The following TMEM132D variants were observed in gnomAD, a reference collection of about 807,000 sequenced individuals.
TMEM132D encodes transmembrane protein 132D.
TMEM132D carries 21 observed loss-of-function variants against 62.3 expected under a neutral mutation model. The ratio of observed to expected loss-of-function variants is 0.34; its 90% confidence interval spans 0.24 to 0.49. The LOEUF is 0.49. TMEM132D is among the 20% of genes least tolerant of loss of function. TMEM132D has a pLI of 0.99. For missense variants in TMEM132D, 1,346 were observed against 1,402.8 expected, an observed-to-expected ratio of 0.96 and a Z score of 0.65; for synonymous variants, 621 against 575.6, an observed-to-expected ratio of 1.08 and a Z score of -1.13.
intron 1 of TMEM132D, among the ~76,000 whole-genome samples, chr12:129,760,426 G>A (rs1233551871): frequency 6.9e-5 from 10 of 145,598 alleles, no homozygotes; most frequent in Non-Finnish European, 1.4e-4. Context: ...CCGCCTCCCG[G>A]GTTCACGCCA....
At chr12:129,532,864 T>A (rs991059847) in intron 2 of TMEM132D, among the ~76,000 whole-genome samples, 1 of 152,194 alleles carries the variant, frequency 6.6e-6, no homozygotes, top group Non-Finnish European at 1.5e-5. Context: ...ATTAAGCACA[T>A]CCTGCGTGAC....
chr12:129,822,405 A>C (rs78966161), intron 1 of TMEM132D, among the ~76,000 whole-genome samples: 3,987 of 152,296 alleles, frequency 0.026, 88 homozygotes, highest in South Asian at 0.058. Flanking sequence ...GGTGGAAGTC[A>C]GGGCAAGCCA....
intron 1 of TMEM132D, among the ~76,000 whole-genome samples, chr12:129,897,974 C>T (rs557655058): frequency 1.5e-4 from 23 of 152,250 alleles, no homozygotes; most frequent in Non-Finnish European, 2.5e-4. Context: ...TCAGACTCTG[C>T]CTGTCTTTTA....
chr12:129,199,684 C>T (rs1034242514), intron 5 of TMEM132D, among the ~76,000 whole-genome samples: 1 of 152,166 alleles, frequency 6.6e-6, no homozygotes, highest in East Asian at 1.9e-4. Flanking sequence ...CTCACAATCA[C>T]AGCAGAAGGT....
intron 7 of TMEM132D, among the ~76,000 whole-genome samples, chr12:129,080,548 C>A (rs1205586875): frequency 6.6e-6 from 1 of 152,342 alleles, no homozygotes; most frequent in South Asian, 2.1e-4. Context: ...TGTTTTAAAT[C>A]TTCCACGATC....
intron 5 of TMEM132D, among the ~76,000 whole-genome samples, chr12:129,188,750 GGAGGGAGA>G (rs201766230): frequency 0.02 from 2,514 of 125,142 alleles, 69 homozygotes; most frequent in African/African-American, 0.066. Flanking sequence ...AGGGAGAGGG[GGAGGGAGA>G]GAGGGAGAGA....
At position 129,167,743 on chromosome 12, in the gene TMEM132D, A is replaced by G. The variant is rs116152485; in HGVS notation, c.1443+41777T>C. Among the ~76,000 whole-genome samples, 687 of 152,162 alleles carry G rather than the reference A, an allele frequency of 4.5e-3. 6 individuals carry two copies. Among genetic ancestry groups the G allele is most frequent in the African/African-American group, 0.016 (652 of 41,506 alleles). On this transcript the variant is annotated intron_variant, in intron 5 of 8. Coordinates refer to ENST00000422113, the MANE Select transcript of TMEM132D (RefSeq NM_133448.3). ...CATCTATTTAATATTAAAATAATTT[A>G]ACAGTGAATTCAAATGGCAGTTTGC...
chr12:129,466,137 TG>T (rs1873886177), intron 3 of TMEM132D, among the ~76,000 whole-genome samples: 1 of 143,000 alleles, frequency 7.0e-6, no homozygotes. Context: ...TTATTGATAA[TG>T]CTTTTGTTAT....
At chr12:129,694,616 A>G (rs1310946195) in intron 2 of TMEM132D, among the ~76,000 whole-genome samples, 2 of 152,194 alleles carry the variant, frequency 1.3e-5, no homozygotes, top group Non-Finnish European at 2.9e-5. Context: ...TGAGTGTTCA[A>G]ACTGTGTTCA....
Position 129,312,196 on chromosome 12 carries a change from A to T in TMEM132D, c.1299+25438T>A, listed in dbSNP as rs570771553. Among the ~76,000 whole-genome samples the T allele has an allele frequency of 2.0e-5, 3 of 152,216 alleles. No individual in the cohort carries two copies. The South Asian group carries it at 6.2e-4, about 32-fold the overall frequency. ...TCAAATTCAAAGGTGTACTGTGGAG[A>T]CAAAGCAGACAGCTGCGTTTAACAG... On this transcript the variant is annotated intron_variant, in intron 4 of 8. Transcript: ENST00000422113.
intron 2 of TMEM132D, among the ~76,000 whole-genome samples, chr12:129,615,145 G>A (rs1184455553): frequency 1.3e-5 from 2 of 152,062 alleles, no homozygotes; most frequent in Non-Finnish European, 2.9e-5. Context: ...CACAGAACAG[G>A]GAAATTTGGA....
rs561627286 is a variant in TMEM132D, at chr12:129,455,612, T to A, written c.1115+75447A>T. Reference sequence around the variant, plus strand: ...GGGCACCATTTCACTGGGTATTGTATTATTACCAGGAATTCTCCAAGGACA... The same window carrying A: ...GGGCACCATTTCACTGGGTATTGTAATATTACCAGGAATTCTCCAAGGACA... On this transcript the variant is annotated intron_variant, in intron 3 of 8. Coordinates refer to ENST00000422113, the MANE Select transcript of TMEM132D (RefSeq NM_133448.3). Among the ~76,000 whole-genome samples the A allele has an allele frequency of 1.4e-3, 217 of 152,292 alleles. 1 individual carries two copies. In the South Asian group the frequency reaches 0.015, roughly 11 times the overall value.
chr12:129,684,486 C>G (rs1456850946), intron 2 of TMEM132D, among the ~76,000 whole-genome samples: 1 of 152,000 alleles, frequency 6.6e-6, no homozygotes, highest in Non-Finnish European at 1.5e-5. Flanking sequence ...ATAAATTACC[C>G]TGTCTCAGGT....
intron 4 of TMEM132D, among the ~76,000 whole-genome samples, chr12:129,287,785 AC>A (rs1881343338): frequency 6.6e-6 from 1 of 152,256 alleles, no homozygotes; most frequent in African/African-American, 2.4e-5. Context: ...TTTCCCTAGC[AC>A]CATTTGGTGA....
At chr12:129,102,494 A>G (rs1875345402) in intron 5 of TMEM132D, among the ~76,000 whole-genome samples, 1 of 149,532 alleles carries the variant, frequency 6.7e-6, no homozygotes, top group Non-Finnish European at 1.5e-5. Context: ...GCACACACAC[A>G]CACTTGCATA....
At chr12:129,156,256 C>T (rs1877241770) in intron 5 of TMEM132D, among the ~76,000 whole-genome samples, 1 of 151,906 alleles carries the variant, frequency 6.6e-6, no homozygotes, top group South Asian at 2.1e-4. Context: ...CCAAACCACT[C>T]CCATGATAAC....
chr12:129,395,528 T>C (rs566384222), intron 3 of TMEM132D, among the ~76,000 whole-genome samples: 1 of 152,148 alleles, frequency 6.6e-6, no homozygotes, highest in African/African-American at 2.4e-5. Flanking sequence ...CGTTTTATCC[T>C]AGTGAAAAAG....
chr12:129,238,457 A>G (rs1282966986), intron 4 of TMEM132D, among the ~76,000 whole-genome samples: 1 of 152,114 alleles, frequency 6.6e-6, no homozygotes, highest in Non-Finnish European at 1.5e-5. Context: ...CTGAAACCCT[A>G]CTCACATTAA....
intron 3 of TMEM132D, among the ~76,000 whole-genome samples, chr12:129,407,987 C>A (rs1010462078): frequency 2.0e-5 from 3 of 152,040 alleles, no homozygotes; most frequent in Non-Finnish European, 4.4e-5. Context: ...TGTAGCCTAA[C>A]TTCACCCCAC....
Sources: allele counts gnomAD v4.1 joint callset (sites outside exome capture counted in the v4.1 genomes callset), GRCh38; gene constraint gnomAD v4.1.1; transcripts MANE v1.5; gene names NCBI Gene and HGNC (gene_info 2026-07-23, HGNC 2026-07-21).